Variants in SLC6A17 observed in about 807,000 individuals in gnomAD.
The protein encoded by SLC6A17 is solute carrier family 6 member 17, also known as sodium-dependent neutral amino acid transporter SLC6A17.
SLC6A17 carries 21 observed loss-of-function variants against 64.5 expected under a neutral mutation model. The ratio of observed to expected loss-of-function variants is 0.33; its 90% CI spans 0.23 to 0.47. The LOEUF (loss-of-function observed/expected upper bound fraction) is 0.47, where lower values mean the gene tolerates loss of function less well. Among genes scored for constraint, SLC6A17 ranks in the 20% least tolerant of loss-of-function variants. The pLI, the probability that SLC6A17 is intolerant of heterozygous loss-of-function variation, is 1.00. For synonymous variants in SLC6A17, 372 were observed against 399.5 expected (o/e 0.93, Z 0.82); for missense variants, 682 against 963.2 (o/e 0.71, Z 3.86).
In SLC6A17 at chr1:110,200,951, G is replaced by A. The variant is rs1295603017; in HGVS notation, c.*2507G>A. 4 of 152,032 alleles carry A rather than the reference G, an allele frequency of 2.6e-5. No individual in the cohort carries two copies. The highest frequency in any genetic ancestry group is 4.4e-5 in the Non-Finnish European group (3 of 68,004). 9.4% of individuals were successfully genotyped at this position (152,032 alleles called of 1,614,324 possible). ...CCTCAGGGCCGGCAGGGTGCTTCGG[G>A]AGCCCCCTGCTACGGGGAAAGGCAT... is the stretch of plus-strand genomic sequence containing the variant. On this transcript the variant is annotated 3_prime_UTR_variant, in exon 12 of 12. Coordinates refer to ENST00000331565, the MANE Select transcript of SLC6A17 (RefSeq NM_001010898.4).
At position 110,174,012 on chromosome 1, in the gene SLC6A17, G is replaced by A. The variant is rs775085213; in HGVS notation, c.484G>A (p.Gly162Arg). Residue 162 changes from glycine (G) to arginine (R), a missense_variant, in exon 4 of 12, where the codon GGG (glycine) becomes AGG (arginine). Physicochemically the swap from Gly to Arg is moderately radical, Grantham distance 125 (BLOSUM62 -2). Around this residue, in one of 3 missense-constraint regions of SLC6A17, gnomAD observed 415 missense variants for 603.8 expected, o/e 0.69. Transcript: ENST00000331565. ...GGGGCTGTATTATAATGTGATCATC[G>A]GGTGGAGCATCTTCTATTTCTTCAA... Reference protein sequence around the residue: ...FVGLYYNVIIGWSIFYFFKSF... With the variant: ...FVGLYYNVIIRWSIFYFFKSF... 6 of 1,614,124 alleles carry A rather than the reference G, an allele frequency of 3.7e-6. No homozygotes were observed. The highest frequency in any genetic ancestry group is 5.1e-6 in the Non-Finnish European group (6 of 1,180,000).
At position 110,192,437 on chromosome 1, in the gene SLC6A17, G is replaced by T; in HGVS notation, c.1107-69G>T. On this transcript the variant is annotated intron_variant, in intron 7 of 11. Transcript: ENST00000331565. This position sits in a 1 kb window ranked among gnomAD's most constrained non-coding sequence, Gnocchi z 4.3. ...AGGTTCCCACCTGGGTGCCTGGGAAGAGCCTCCAGGATCTCACCCATTGCC... is the reference window on the plus strand; with the variant it reads ...AGGTTCCCACCTGGGTGCCTGGGAATAGCCTCCAGGATCTCACCCATTGCC... 4 of 1,534,248 alleles carry T rather than the reference G, an allele frequency of 2.6e-6. No homozygotes were observed. Among genetic ancestry groups the T allele is most frequent in the Non-Finnish European group, 3.5e-6 (4 of 1,135,258 alleles).
At chr1:110,174,569 G>A (rs557143741) in intron 4 of SLC6A17, among the ~76,000 whole-genome samples, 1 of 152,202 alleles carries the variant, frequency 6.6e-6, no homozygotes, top group Admixed American at 6.5e-5. Flanking sequence ...AGCCAGGCTG[G>A]TGTGTCCTGA....
chr1:110,161,811 C>T (rs977921633), intron 1 of SLC6A17, among the ~76,000 whole-genome samples: 1 of 152,158 alleles, frequency 6.6e-6, no homozygotes, highest in Non-Finnish European at 1.5e-5. Context: ...CAGGCTTTGT[C>T]CTGGTGCCAG....
At chr1:110,172,337 G>A (rs1570987790) in intron 3 of SLC6A17, 120 bp downstream of exon 3, 2 of 1,276,102 alleles carry the variant, frequency 1.6e-6, no homozygotes, top group African/African-American at 1.5e-5. Flanking sequence ...CAGGGAGGGG[G>A]ATCCTCAACA....
rs1292827828 is a variant in SLC6A17 at position 110,172,794 on chromosome 1, A to C, written c.444+577A>C. ...AGACGCCAGTGGCCCTGGATGGAGA[A>C]CTTTGTGAGGTCTCCAGGCTCATCC... is the stretch of plus-strand genomic sequence containing the variant. On this transcript the variant is annotated intron_variant, in intron 3 of 11. Coordinates refer to ENST00000331565, the MANE Select transcript of SLC6A17 (RefSeq NM_001010898.4). 2.0e-5 allele frequency among the ~76,000 whole-genome samples: 3 copies of C among 152,292 alleles called. No individual in the cohort carries two copies. The East Asian group carries it at 5.8e-4, about 29-fold the overall frequency.
intron 1 of SLC6A17, among the ~76,000 whole-genome samples, chr1:110,162,379 T>C (rs1005974184): frequency 3.3e-5 from 5 of 152,232 alleles, no homozygotes; most frequent in African/African-American, 1.2e-4. Flanking sequence ...AACAGATATA[T>C]GCTAGAGCTG....
intron 1 of SLC6A17, chr1:110,166,151 T>C (rs772804497): frequency 1.3e-5 from 2 of 152,240 alleles, no homozygotes; most frequent in Non-Finnish European, 2.9e-5. Flanking sequence ...CCAAGATTCA[T>C]TGGCACTGAG....
chr1:110,160,264 C>T lies in SLC6A17; in HGVS notation c.-87-6579C>T, dbSNP rs369760681. Among the ~76,000 whole-genome samples, 6 of 152,354 alleles carry T rather than the reference C, an allele frequency of 3.9e-5. 1 individual carries two copies. Among genetic ancestry groups the T allele is most frequent in the African/African-American group, 1.4e-4 (6 of 41,582 alleles). On this transcript the variant is annotated intron_variant, in intron 1 of 11. Coordinates refer to ENST00000331565, the MANE Select transcript of SLC6A17 (RefSeq NM_001010898.4). ...CCCCTGGCTGGGACATGCAGACTTC[C>T]GGTAGGTTCAAATGTCTCTCTAGTC...
intron 6 of SLC6A17, among the ~76,000 whole-genome samples, chr1:110,187,935 T>G (rs1234388202): frequency 2.0e-5 from 3 of 152,250 alleles, no homozygotes; most frequent in Non-Finnish European, 4.4e-5. Flanking sequence ...GGCCCCCATT[T>G]CCTTATCCAC....
chr1:110,175,686 C>A (rs116635653), intron 5 of SLC6A17, among the ~76,000 whole-genome samples: 2,986 of 152,282 alleles, frequency 0.02, 91 homozygotes, highest in African/African-American at 0.068. Context: ...AACTAGAACC[C>A]TGGCTGTTTG....
At chr1:110,185,498 T>G (rs901875297) in intron 6 of SLC6A17, among the ~76,000 whole-genome samples, 1 of 152,244 alleles carries the variant, frequency 6.6e-6, no homozygotes, top group Non-Finnish European at 1.5e-5. Flanking sequence ...AGCATCATCA[T>G]GCCCACGAGT....
chr1:110,196,669 T>C (rs1557842469), intron 10 of SLC6A17, among the ~76,000 whole-genome samples: 1 of 152,160 alleles, frequency 6.6e-6, no homozygotes, highest in Non-Finnish European at 1.5e-5. Flanking sequence ...TATTGAAAAA[T>C]AGCAAAATAT....
intron 9 of SLC6A17, chr1:110,195,014 G>T: frequency 1.8e-6 from 1 of 562,150 alleles, no homozygotes; most frequent in South Asian, 2.0e-5. Context: ...CCCTTTGTTA[G>T]TTCACTTGCC....
intron 1 of SLC6A17, among the ~76,000 whole-genome samples, chr1:110,160,790 G>A (rs1655885759): frequency 6.6e-6 from 1 of 152,180 alleles, no homozygotes; most frequent in African/African-American, 2.4e-5. Flanking sequence ...CCGGGAGATA[G>A]AGGGGGCCCA....
chr1:110,197,384 G>C, intron 10 of SLC6A17, 53 bp from the exon 11 acceptor site: 2 of 1,564,924 alleles, frequency 1.3e-6, no homozygotes, highest in Middle Eastern at 1.7e-4. Flanking sequence ...TGGGGGAAGA[G>C]GGAGGTGTGA....
rs190219389 is a variant in SLC6A17, at chr1:110,194,438, T to C, written c.1300-141T>C. ...AAAGTTCGAGACCCACTGGCCAAAA[T>C]CAACAGGATTTAGGTGGAGGTGGGA... On this transcript the variant is annotated intron_variant, in intron 8 of 11. Coordinates refer to ENST00000331565, the MANE Select transcript of SLC6A17 (RefSeq NM_001010898.4). The C allele has an allele frequency of 1.2e-4, 107 of 906,480 alleles. No homozygotes were observed. The African/African-American group carries it at 1.7e-3, about 14-fold the overall frequency. 56.2% of individuals were successfully genotyped at this position (906,480 alleles called of 1,614,324 possible). A position where few individuals can be genotyped will look rare whatever the true frequency, so the allele number is the denominator to read the frequency against.
At position 110,192,213 on chromosome 1, in the gene SLC6A17, A is replaced by C. The variant is rs1302196404; in HGVS notation, c.1106A>C (p.Glu369Ala). The change falls in exon 7 of 12, where the codon GAG becomes GCG. Residue 369 changes from glutamate to alanine, a missense_variant and splice_region_variant. Around this residue, in one of 3 missense-constraint regions of SLC6A17, gnomAD observed 415 missense variants for 603.8 expected, o/e 0.69. Coordinates refer to ENST00000331565, the MANE Select transcript of SLC6A17 (RefSeq NM_001010898.4). This position sits in a 1 kb window ranked among gnomAD's most constrained non-coding sequence, Gnocchi z 4.3. Reference protein sequence around the residue: ...ANIMNEKCVVENAEKILGYLN... With the variant: ...ANIMNEKCVVANAEKILGYLN... ...ATCATGAATGAGAAGTGTGTGGTCGAGTAGGTGGCATCTCTCCTCCTGTCC... is the reference window on the plus strand; with the variant it reads ...ATCATGAATGAGAAGTGTGTGGTCGCGTAGGTGGCATCTCTCCTCCTGTCC... 1.2e-6 allele frequency: 2 copies of C among 1,606,164 alleles called. No homozygotes were observed. The highest frequency in any genetic ancestry group is 2.7e-5 in the African/African-American group (2 of 74,814).
intron 1 of SLC6A17, among the ~76,000 whole-genome samples, chr1:110,163,163 G>T (rs1655963085): frequency 6.6e-6 from 1 of 152,026 alleles, no homozygotes; most frequent in South Asian, 2.1e-4. Context: ...TTGGGTCCAA[G>T]CTGGTAGCTG....
Sources: allele counts gnomAD v4.1 joint callset (sites outside exome capture counted in the v4.1 genomes callset), GRCh38; gene constraint gnomAD v4.1.1; regional missense constraint gnomAD v4.1.1; non-coding constraint Gnocchi (gnomAD v3.1); transcripts MANE v1.5; gene names NCBI Gene and HGNC (gene_info 2026-07-23, HGNC 2026-07-21).